The following CMTM7 variants were observed in gnomAD, a reference collection of about 807,000 sequenced individuals.
CMTM7 encodes CKLF like MARVEL transmembrane domain containing 7, also known as CKLF-like MARVEL transmembrane domain-containing protein 7.
In CMTM7, 7 loss-of-function variants were observed where a neutral mutation model predicts 19.3. That is an observed-to-expected ratio of 0.36 (90% CI 0.21 to 0.68). The LOEUF (loss-of-function observed/expected upper bound fraction) is 0.68. CMTM7 is among the 30% of genes least tolerant of loss of function. The pLI is 0.60. For missense variants in CMTM7, 193 were observed against 232.6 expected (o/e 0.83, Z 1.11); for synonymous variants, 87 against 99.3 (o/e 0.88, Z 0.74).
In CMTM7 at chr3:32,391,870, CT is replaced by C; in HGVS notation, c.-36del. The C allele has an allele frequency of 8.3e-7, 1 of 1,199,112 alleles. No homozygotes were observed. Among genetic ancestry groups the C allele is most frequent in the Non-Finnish European group, 1.0e-6 (1 of 966,000 alleles). The allele number at this position is 1,199,112 out of a possible 1,614,324, so 74.3% of individuals were successfully genotyped here. A position where few individuals can be genotyped will look rare whatever the true frequency, so the allele number is the denominator to read the frequency against. ...CCCTCTGTATCTGGCCCCTGGGCAG[CT>C]GCCCGGGGAGGCGGCCAGCGAGCTG... On this transcript the variant is annotated 5_prime_UTR_variant, in exon 1 of 5. Coordinates refer to ENST00000334983, the MANE Select transcript of CMTM7 (RefSeq NM_138410.4).
chr3:32,445,793 G>A (rs1478853562), intron 2 of CMTM7, among the ~76,000 whole-genome samples: 2 of 152,218 alleles, frequency 1.3e-5, no homozygotes, highest in East Asian at 3.9e-4. Flanking sequence ...GGCGATTACA[G>A]GCATGAGCCC....
chr3:32,447,275 A>G (rs1199116306), intron 2 of CMTM7, among the ~76,000 whole-genome samples: 2 of 152,090 alleles, frequency 1.3e-5, no homozygotes, highest in Non-Finnish European at 2.9e-5. Context: ...CAGAGAACAT[A>G]TTTTGTAGTC....
At chr3:32,445,671 C>G (rs1466883215) in intron 2 of CMTM7, among the ~76,000 whole-genome samples, 5 of 152,024 alleles carry the variant, frequency 3.3e-5, no homozygotes, top group African/African-American at 1.2e-4. Context: ...CACCACCATG[C>G]CTGGCTAATT....
chr3:32,423,418 A>C (rs1696374685), intron 1 of CMTM7, among the ~76,000 whole-genome samples: 1 of 152,204 alleles, frequency 6.6e-6, no homozygotes, highest in Non-Finnish European at 1.5e-5. Context: ...ACATGAGTAA[A>C]TGATTCTTAT....
intron 1 of CMTM7, among the ~76,000 whole-genome samples, chr3:32,432,023 A>G (rs936787079): frequency 2.6e-5 from 4 of 152,160 alleles, no homozygotes; most frequent in Non-Finnish European, 2.9e-5. Flanking sequence ...TTTCAGCCCA[A>G]GCTCGCTTCT....
intron 1 of CMTM7, among the ~76,000 whole-genome samples, chr3:32,423,643 C>T (rs1429721541): frequency 1.3e-5 from 2 of 152,188 alleles, no homozygotes; most frequent in African/African-American, 4.8e-5. Context: ...GCAGGGGATT[C>T]AGAATGAGCA....
At position 32,449,606 on chromosome 3, in the gene CMTM7, T is replaced by G; in HGVS notation, c.432+54T>G. 1 of 1,363,904 alleles carries G rather than the reference T, an allele frequency of 7.3e-7. No homozygotes were observed. Among genetic ancestry groups the G allele is most frequent in the Non-Finnish European group, 1.1e-6 (1 of 951,868 alleles). 84.5% of individuals were successfully genotyped at this position (1,363,904 alleles called of 1,614,324 possible). On this transcript the variant is annotated intron_variant, in intron 3 of 4. Coordinates refer to ENST00000334983, the MANE Select transcript of CMTM7 (RefSeq NM_138410.4). This position sits in a 1 kb window ranked among gnomAD's most constrained non-coding sequence, Gnocchi z 4.5. ...ATGAATTCTTATTTAAAATGCTCAT[T>G]TTCTTCCTGATGGGGGAAGAGAAGG...
At chr3:32,395,804 A>G (rs1374991946) in intron 1 of CMTM7, among the ~76,000 whole-genome samples, 1 of 152,260 alleles carries the variant, frequency 6.6e-6, no homozygotes, top group East Asian at 1.9e-4. Context: ...ACAGATGTCC[A>G]CATGAAGACT....
intron 1 of CMTM7, among the ~76,000 whole-genome samples, chr3:32,393,527 A>G (rs1263889661): frequency 1.3e-5 from 2 of 152,320 alleles, no homozygotes; most frequent in East Asian, 1.9e-4. Context: ...TTGCTGGACA[A>G]AGATATTGTG....
intron 2 of CMTM7, among the ~76,000 whole-genome samples, chr3:32,447,078 T>G (rs1696764499): frequency 6.6e-6 from 1 of 152,224 alleles, no homozygotes; most frequent in Non-Finnish European, 1.5e-5. Context: ...CTCTGATAAC[T>G]GTTTTACTTG....
intron 1 of CMTM7, among the ~76,000 whole-genome samples, chr3:32,395,774 C>A (rs906746056): frequency 6.6e-6 from 1 of 152,198 alleles, no homozygotes; most frequent in African/African-American, 2.4e-5. Context: ...CTACTCCCAG[C>A]TCTACCCAAG....
chr3:32,424,659 G>C (rs1213630316), intron 1 of CMTM7, among the ~76,000 whole-genome samples: 1 of 151,046 alleles, frequency 6.6e-6, no homozygotes, highest in African/African-American at 2.4e-5. Context: ...TTTGCGGCTG[G>C]GGGGATACAT....
At chr3:32,396,756 TC>T (rs1695925191) in intron 1 of CMTM7, among the ~76,000 whole-genome samples, 1 of 152,082 alleles carries the variant, frequency 6.6e-6, no homozygotes, top group Non-Finnish European at 1.5e-5. Flanking sequence ...AGAAGGAGTG[TC>T]CCCTGCAGGA....
intron 1 of CMTM7, among the ~76,000 whole-genome samples, chr3:32,412,344 G>A (rs112399231): frequency 0.12 from 17,891 of 151,948 alleles, 1,120 homozygotes; most frequent in South Asian, 0.17. Flanking sequence ...AATATTAGCC[G>A]GGTATGGTGG....
intron 1 of CMTM7, among the ~76,000 whole-genome samples, chr3:32,427,612 T>G (rs1264764875): frequency 6.6e-6 from 1 of 152,200 alleles, no homozygotes; most frequent in African/African-American, 2.4e-5. Context: ...AAAGGCTTAG[T>G]AGTCACAGGA....
chr3:32,424,138 A>G (rs1409509639), intron 1 of CMTM7, among the ~76,000 whole-genome samples: 1 of 152,190 alleles, frequency 6.6e-6, no homozygotes, highest in Non-Finnish European at 1.5e-5. Flanking sequence ...AAGACTTGAA[A>G]GCTGGGGCCA....
At chr3:32,424,965 T>C (rs1696407613) in intron 1 of CMTM7, among the ~76,000 whole-genome samples, 1 of 152,142 alleles carries the variant, frequency 6.6e-6, no homozygotes, top group Admixed American at 6.5e-5. Flanking sequence ...GTTAGAGCTT[T>C]GCTGAAAACA....
At chr3:32,443,965 C>T (rs1696717274) in intron 2 of CMTM7, among the ~76,000 whole-genome samples, 1 of 152,134 alleles carries the variant, frequency 6.6e-6, no homozygotes, top group South Asian at 2.1e-4. Flanking sequence ...GGATAAAAGT[C>T]CCTTATCAGC....
chr3:32,392,583 CTTGT>C (rs1695855866), intron 1 of CMTM7, among the ~76,000 whole-genome samples: 1 of 152,214 alleles, frequency 6.6e-6, no homozygotes, highest in Non-Finnish European at 1.5e-5. Flanking sequence ...GTCAGAGGGT[CTTGT>C]GTTCCATAGT....
Sources: allele counts gnomAD v4.1 joint callset (sites outside exome capture counted in the v4.1 genomes callset), GRCh38; gene constraint gnomAD v4.1.1; non-coding constraint Gnocchi (gnomAD v3.1); transcripts MANE v1.5; gene names NCBI Gene and HGNC (gene_info 2026-07-23, HGNC 2026-07-21).